MIPOL1: variants seen among roughly 807,000 people sequenced by gnomAD.
The protein encoded by MIPOL1 is mirror-image polydactyly 1, also known as mirror-image polydactyly gene 1 protein.
In MIPOL1, 57 loss-of-function variants were observed where a neutral mutation model predicts 60.9. The ratio of observed to expected loss-of-function variants is 0.94; its 90% confidence interval spans 0.76 to 1.17. The LOEUF (loss-of-function observed/expected upper bound fraction) is 1.17, where lower values mean the gene tolerates loss of function less well. Among genes scored for constraint, MIPOL1 ranks in the 50% most tolerant of loss-of-function variants. The probability of loss-of-function intolerance (pLI) is 0.00; values close to 1 mark genes in which losing one functional copy is unlikely to be tolerated. For missense variants in MIPOL1, 551 were observed against 511.6 expected, an observed-to-expected ratio of 1.08 and a Z score of -0.74; for synonymous variants, 179 against 168.8, an observed-to-expected ratio of 1.06 and a Z score of -0.47.
intron 6 of MIPOL1, among the ~76,000 whole-genome samples, chr14:37,279,757 G>A (rs10141058): frequency 0.54 from 81,324 of 151,788 alleles, 24,347 homozygotes; most frequent in Non-Finnish European, 0.66. Context: ...TCTGATTAAC[G>A]TATTCACCAC....
chr14:37,239,982 A>T (rs983234977), intron 1 of MIPOL1, among the ~76,000 whole-genome samples: 1 of 152,206 alleles, frequency 6.6e-6, no homozygotes, highest in Admixed American at 6.5e-5. Flanking sequence ...GGGATTGATT[A>T]CTACAGTAAT....
intron 9 of MIPOL1, among the ~76,000 whole-genome samples, chr14:37,328,661 G>A (rs1272762093): frequency 6.6e-6 from 1 of 152,192 alleles, no homozygotes; most frequent in Non-Finnish European, 1.5e-5. Context: ...GTAACAGACA[G>A]TTTTGGAGTA....
chr14:37,474,396 A>T (rs943655978), intron 11 of MIPOL1, among the ~76,000 whole-genome samples: 5 of 152,042 alleles, frequency 3.3e-5, no homozygotes, highest in African/African-American at 1.2e-4. Flanking sequence ...ACCCGGTGGG[A>T]GGTAATTGAA....
intron 12 of MIPOL1, among the ~76,000 whole-genome samples, chr14:37,513,639 C>T (rs540489411): frequency 6.6e-6 from 1 of 152,188 alleles, no homozygotes; most frequent in Non-Finnish European, 1.5e-5. Context: ...CTCTTTAAAC[C>T]TAGACTCTGT....
rs68123796 is a variant in MIPOL1 at position 37,426,570 on chromosome 14, CATATATAT to C, written c.1031+3639_1031+3646del. The stretch of plus-strand genomic sequence containing the variant: ...GAGTGAAACTCTGTCTCAAAATATA[CATATATAT>C]ATATATATATATATATACACACACA... On this transcript the variant is annotated intron_variant, in intron 11 of 12. Transcript: ENST00000684589. 6.8e-4 allele frequency among the ~76,000 whole-genome samples: 58 copies of C among 85,538 alleles called. 1 individual carries two copies. Among genetic ancestry groups the C allele is most frequent in the East Asian group, 3.6e-3 (10 of 2,770 alleles). The allele number at this position is 85,538 out of a possible 152,430, so 56.1% of individuals were successfully genotyped here.
At chr14:37,265,987 T>A (rs1234687094) in intron 3 of MIPOL1, among the ~76,000 whole-genome samples, 1 of 152,070 alleles carries the variant, frequency 6.6e-6, no homozygotes, top group Non-Finnish European at 1.5e-5. Context: ...ATATTAAACA[T>A]TTATAATTAA....
intron 11 of MIPOL1, among the ~76,000 whole-genome samples, chr14:37,490,340 T>C (rs1364776030): frequency 6.6e-6 from 1 of 152,164 alleles, no homozygotes; most frequent in Non-Finnish European, 1.5e-5. Flanking sequence ...CTCATACTCC[T>C]GTACTGGCAA....
rs954964292 is a variant in MIPOL1 at position 37,550,319 on chromosome 14, T to C, written c.*3348T>C. On this transcript the variant is annotated 3_prime_UTR_variant, in exon 13 of 13. Transcript: ENST00000684589. Reference sequence around the variant, plus strand: ...ACTATTCTTAAAGATCACAATTATTTTTAAACTTTCTATTTTCAAATACTT... The same window carrying C: ...ACTATTCTTAAAGATCACAATTATTCTTAAACTTTCTATTTTCAAATACTT... 1.3e-5 allele frequency: 2 copies of C among 151,344 alleles called. No homozygotes were observed. Among genetic ancestry groups the C allele is most frequent in the East Asian group, 3.9e-4 (2 of 5,190 alleles). 9.4% of individuals were successfully genotyped at this position (151,344 alleles called of 1,614,324 possible).
chr14:37,230,481 A>G (rs762090049), intron 1 of MIPOL1, among the ~76,000 whole-genome samples: 3 of 152,120 alleles, frequency 2.0e-5, no homozygotes, highest in Non-Finnish European at 4.4e-5. Flanking sequence ...AGCTTTGTAT[A>G]TTTTATCATC....
At chr14:37,217,053 A>C (rs1461016618) in intron 1 of MIPOL1, among the ~76,000 whole-genome samples, 1 of 152,180 alleles carries the variant, frequency 6.6e-6, no homozygotes, top group Non-Finnish European at 1.5e-5. Flanking sequence ...AGAGGATCCA[A>C]ATCAGAAATG....
At chr14:37,292,696 G>T (rs2153418566) in intron 7 of MIPOL1, among the ~76,000 whole-genome samples, 1 of 151,768 alleles carries the variant, frequency 6.6e-6, no homozygotes, top group East Asian at 2.0e-4. Flanking sequence ...GACCAGGCTG[G>T]TCTCAAACTC....
intron 12 of MIPOL1, among the ~76,000 whole-genome samples, chr14:37,531,766 A>T (rs2095480954): frequency 1.3e-5 from 2 of 152,206 alleles, no homozygotes; most frequent in South Asian, 4.1e-4. Flanking sequence ...ACAGATGAGA[A>T]TTGTTCTACT....
intron 9 of MIPOL1, among the ~76,000 whole-genome samples, chr14:37,314,724 G>A (rs939612847): frequency 6.6e-6 from 1 of 152,042 alleles, no homozygotes; most frequent in Non-Finnish European, 1.5e-5. Context: ...TTTATGCCTG[G>A]CTTTCCTACT....
intron 12 of MIPOL1, among the ~76,000 whole-genome samples, chr14:37,512,470 T>C (rs1487047947): frequency 6.6e-6 from 1 of 151,042 alleles, no homozygotes; most frequent in Non-Finnish European, 1.5e-5. Flanking sequence ...TTCTAAAGTT[T>C]CTCAGTTGAA....
chr14:37,393,210 A>G (rs1214880469), intron 10 of MIPOL1, among the ~76,000 whole-genome samples: 2 of 152,020 alleles, frequency 1.3e-5, no homozygotes, highest in African/African-American at 4.8e-5. Flanking sequence ...AACTGTGCTG[A>G]CACCTTGATT....
chr14:37,224,841 A>T (rs1398156920), intron 1 of MIPOL1, among the ~76,000 whole-genome samples: 1 of 152,212 alleles, frequency 6.6e-6, no homozygotes, highest in South Asian at 2.1e-4. Context: ...TGTTACAAGG[A>T]AAGTCCCTTC....
chr14:37,451,762 A>G (rs746048564), intron 11 of MIPOL1, among the ~76,000 whole-genome samples: 1 of 150,694 alleles, frequency 6.6e-6, no homozygotes, highest in Non-Finnish European at 1.5e-5. Flanking sequence ...GCCAAAATGT[A>G]TCAAAGAAAT....
At chr14:37,523,641 T>G (rs2095428446) in intron 12 of MIPOL1, 1 of 363,628 alleles carries the variant, frequency 2.8e-6, no homozygotes, top group African/African-American at 2.1e-5. Context: ...ATGTCCTAAT[T>G]CAACAGATTT....
At chr14:37,229,704 T>A (rs1161830350) in intron 1 of MIPOL1, among the ~76,000 whole-genome samples, 11 of 152,152 alleles carry the variant, frequency 7.2e-5, no homozygotes, top group Admixed American at 7.2e-4. Context: ...GGTGATTGAT[T>A]TTAGGGGCTT....
Sources: gnomAD v4.1 joint callset for allele counts (sites outside exome capture counted in the v4.1 genomes callset) on GRCh38, gnomAD v4.1.1 for gene constraint, MANE v1.5 for transcripts, NCBI Gene and HGNC (gene_info 2026-07-23, HGNC 2026-07-21) for gene names.